Variants in FER1L6 observed in about 807,000 individuals in gnomAD.
FER1L6 encodes fer-1-like protein 6.
A neutral mutation model predicts 219.2 loss-of-function variants in FER1L6; 177 were observed. That is an observed-to-expected ratio of 0.81 (90% confidence interval 0.71 to 0.91). FER1L6 has a LOEUF of 0.91. FER1L6 is among the 40% of genes least tolerant of loss of function. FER1L6 has a pLI of 0.00. For synonymous variants in FER1L6, 768 were observed against 824.3 expected, an observed-to-expected ratio of 0.93 and a Z score of 1.17; for missense variants, 2,153 against 2,259.9, an observed-to-expected ratio of 0.95 and a Z score of 0.96.
rs373936949 is a variant in FER1L6 at position 124,082,438 on chromosome 8, C to T, written c.4371C>T (p.Gly1457=). ...RFYSKHRAIC[G]LQSQYEIEGY... ...ACAGCAAACACCGAGCCATCTGTGG[C>T]TTGCAGAGCCAGTATGAGATGTAAG... Residue 1457 remains glycine, a synonymous_variant, in exon 33 of 41, where the codon GGC becomes GGT. Coordinates refer to ENST00000522917, the MANE Select transcript of FER1L6 (RefSeq NM_001039112.2). 3 of 1,613,796 alleles carry T rather than the reference C, an allele frequency of 1.9e-6. No homozygotes were observed. In the South Asian group the frequency reaches 3.3e-5, roughly 18 times the overall value.
intron 15 of FER1L6, chr8:124,014,147 A>G (rs1818072144): frequency 6.6e-6 from 1 of 152,474 alleles, no homozygotes; most frequent in African/African-American, 2.4e-5. Context: ...TGATTACTCA[A>G]TTACCCAGTG....
At chr8:123,946,602 T>TAAA (rs1233738899) in intron 1 of FER1L6, among the ~76,000 whole-genome samples, 2 of 152,142 alleles carry the variant, frequency 1.3e-5, no homozygotes, top group African/African-American at 4.8e-5. Flanking sequence ...AAACTTAAGT[T>TAAA]TATTCACATA....
intron 22 of FER1L6, among the ~76,000 whole-genome samples, chr8:124,059,791 G>C (rs1820476686): frequency 6.6e-6 from 1 of 152,196 alleles, no homozygotes; most frequent in Non-Finnish European, 1.5e-5. Flanking sequence ...AGTCCGAAGG[G>C]AGTGGGGATC....
chr8:123,973,019 A>G (rs1198646795), intron 6 of FER1L6, among the ~76,000 whole-genome samples: 1 of 152,176 alleles, frequency 6.6e-6, no homozygotes, highest in Non-Finnish European at 1.5e-5. Flanking sequence ...GCAATATGTG[A>G]TGAGTTCTCT....
chr8:124,100,750 G>T (rs532350407), intron 37 of FER1L6, among the ~76,000 whole-genome samples: 81 of 152,218 alleles, frequency 5.3e-4, no homozygotes, highest in African/African-American at 1.9e-3. Flanking sequence ...TATAGAGGTG[G>T]CATCCCTTAC....
At chr8:124,106,944 CTTTTTTT>C (rs10561745) in intron 39 of FER1L6, among the ~76,000 whole-genome samples, 31 of 127,834 alleles carry the variant, frequency 2.4e-4, no homozygotes, top group African/African-American at 7.5e-4. Context: ...ATAAGGTTTT[CTTTTTTT>C]TTTTTTTTTT....
intron 1 of FER1L6, among the ~76,000 whole-genome samples, chr8:123,949,764 C>T (rs548697321): frequency 3.3e-5 from 5 of 152,180 alleles, no homozygotes; most frequent in African/African-American, 1.2e-4. Flanking sequence ...GAAGAAAGAC[C>T]ACATGGGAAT....
chr8:124,030,343 G>A (rs1365316227), intron 18 of FER1L6, among the ~76,000 whole-genome samples: 1 of 152,154 alleles, frequency 6.6e-6, no homozygotes, highest in African/African-American at 2.4e-5. Context: ...CGGGTTGCAT[G>A]ATCTTCCTTT....
At chr8:124,118,588 C>G (rs1330510532) in intron 39 of FER1L6, among the ~76,000 whole-genome samples, 1 of 152,168 alleles carries the variant, frequency 6.6e-6, no homozygotes. Context: ...TGTGACGGAG[C>G]TTGTGTGTCT....
At chr8:123,973,163 G>A (rs1815898815) in intron 6 of FER1L6, among the ~76,000 whole-genome samples, 1 of 152,214 alleles carries the variant, frequency 6.6e-6, no homozygotes. Context: ...GAAGAGATGG[G>A]TGTTGAAGGG....
intron 1 of FER1L6, among the ~76,000 whole-genome samples, chr8:123,937,480 G>A (rs1480419568): frequency 1.3e-5 from 2 of 152,268 alleles, no homozygotes; most frequent in Non-Finnish European, 1.5e-5. Flanking sequence ...AGGCCTTTGA[G>A]TGTCTAGTCC....
intron 11 of FER1L6, chr8:123,984,986 G>C (rs910309532): frequency 3.3e-5 from 5 of 152,230 alleles, no homozygotes; most frequent in Non-Finnish European, 7.3e-5. Flanking sequence ...TGCTGTGTCA[G>C]TGGGTCCAGC....
At chr8:124,072,385 AG>A (rs1230277315) in intron 31 of FER1L6, among the ~76,000 whole-genome samples, 1 of 152,234 alleles carries the variant, frequency 6.6e-6, no homozygotes, top group Non-Finnish European at 1.5e-5. Flanking sequence ...CAGGAAGCTC[AG>A]GGCCAAATTT....
Position 123,980,605 on chromosome 8 carries a change from G to A in FER1L6, c.1204G>A (p.Ala402Thr). 2.5e-6 allele frequency: 4 copies of A among 1,614,140 alleles called. No individual in the cohort carries two copies. The highest frequency in any genetic ancestry group is 2.5e-6 in the Non-Finnish European group (3 of 1,180,014). Residue 402 changes from alanine to threonine, a missense_variant, in exon 11 of 41, where the codon GCT becomes ACT. Transcript: ENST00000522917. ...SFRGRILVEI[A>T]VEILSGRAQE... ...CAGGGGCAGAATCTTGGTAGAAATT[G>A]CTGTGGAAATCCTCTCAGGACGGGC...
At chr8:123,893,362 T>C (rs1812684703) in intron 1 of FER1L6, among the ~76,000 whole-genome samples, 1 of 152,234 alleles carries the variant, frequency 6.6e-6, no homozygotes, top group African/African-American at 2.4e-5. Flanking sequence ...CAGGAGTTGA[T>C]TGCATGGACT....
At chr8:123,876,986 CT>C (rs1817014796) in intron 1 of FER1L6, among the ~76,000 whole-genome samples, 1 of 152,248 alleles carries the variant, frequency 6.6e-6, no homozygotes, top group African/African-American at 2.4e-5. Flanking sequence ...ATTCCCTCCT[CT>C]GTGCTTCTCT....
rs534696715 is a variant in FER1L6 at position 123,989,759 on chromosome 8, C to T, written c.1519+3583C>T. On this transcript the variant is annotated intron_variant, in intron 12 of 40. Coordinates refer to ENST00000522917, the MANE Select transcript of FER1L6 (RefSeq NM_001039112.2). ...GACATTATTTTATTCTTTTTTATGG[C>T]TAAGTAGTATTCCATGGTGTGTATA... Among the ~76,000 whole-genome samples, 12 of 152,266 alleles carry T rather than the reference C, an allele frequency of 7.9e-5. 1 individual carries two copies. In the East Asian group the frequency reaches 1.5e-3, roughly 20 times the overall value.
At position 124,070,576 on chromosome 8, in the gene FER1L6, A is replaced by G. The variant is rs1400090502; in HGVS notation, c.3944A>G (p.Asp1315Gly). ...GAAGATGACCATGGTCTTGATGGAG[A>G]CCGAGTCATAGGAAAATTTAAGGCA... ...STEDDHGLDG[D>G]RVIGKFKGSF... The change falls in exon 30 of 41, where the codon GAC (aspartate) becomes GGC (glycine). Residue 1315 changes from aspartate (D) to glycine (G), a missense_variant. By Grantham distance (94) the Asp-to-Gly change is moderately conservative. Transcript: ENST00000522917. The G allele has an allele frequency of 1.9e-6, 3 of 1,591,896 alleles. No homozygotes were observed. In the African/African-American group the frequency reaches 4.1e-5, roughly 22 times the overall value.
At chr8:123,893,122 G>A (rs1812680734) in intron 1 of FER1L6, among the ~76,000 whole-genome samples, 1 of 152,136 alleles carries the variant, frequency 6.6e-6, no homozygotes, top group African/African-American at 2.4e-5. Context: ...GCTGTCCTAA[G>A]GCTTTTGTTA....
Sources: gnomAD v4.1 joint callset for allele counts (sites outside exome capture counted in the v4.1 genomes callset) on GRCh38, gnomAD v4.1.1 for gene constraint, MANE v1.5 for transcripts, NCBI Gene and HGNC (gene_info 2026-07-23, HGNC 2026-07-21) for gene names.